Variants in VTI1A observed in about 807,000 individuals in gnomAD.
The protein encoded by VTI1A is vesicle transport through interaction with t-SNAREs 1A, also known as vesicle transport through interaction with t-SNAREs homolog 1A.
A neutral mutation model predicts 34.9 loss-of-function variants in VTI1A; 22 were observed. The observed-to-expected ratio is 0.63, with a 90% CI of 0.45 to 0.90. The LOEUF is 0.90. Ranked by LOEUF, VTI1A falls within the 40% of genes least tolerant of loss-of-function variation. The pLI is 0.00. For missense variants in VTI1A, 268 were observed against 275.6 expected (o/e 0.97, Z 0.20); for synonymous variants, 87 against 97.3 (o/e 0.89, Z 0.62).
At chr10:112,659,648 C>A (rs772382279) in intron 5 of VTI1A, among the ~76,000 whole-genome samples, 1 of 152,118 alleles carries the variant, frequency 6.6e-6, no homozygotes, top group African/African-American at 2.4e-5. Flanking sequence ...AGAATACATA[C>A]TCAGCTACTG....
At chr10:112,604,597 A>G (rs1845002585) in intron 5 of VTI1A, among the ~76,000 whole-genome samples, 2 of 152,184 alleles carry the variant, frequency 1.3e-5, no homozygotes, top group Non-Finnish European at 2.9e-5. Flanking sequence ...CTTCCACACA[A>G]CCAGATGTAT....
intron 4 of VTI1A, among the ~76,000 whole-genome samples, chr10:112,531,105 G>A (rs914345160): frequency 5.6e-4 from 30 of 53,528 alleles, no homozygotes; most frequent in East Asian, 2.4e-3. Flanking sequence ...ACACACACAC[G>A]TGCGCACGTG....
intron 7 of VTI1A, among the ~76,000 whole-genome samples, chr10:112,681,078 C>CTTTT (rs11371825): frequency 7.1e-6 from 1 of 141,066 alleles, no homozygotes; most frequent in African/African-American, 2.6e-5. Flanking sequence ...TTTTTCTTTT[C>CTTTT]TTTTTTTTTT....
Position 112,818,294 on chromosome 10 carries a change from A to C in VTI1A, c.*2911A>C. On this transcript the variant is annotated 3_prime_UTR_variant, in exon 8 of 8. Coordinates refer to ENST00000393077, the MANE Select transcript of VTI1A (RefSeq NM_145206.4). ...ATTAAGTAAAGAAATAAAGAGGGGG[A>C]AAAAAGCCTGCCTGTTCCAAAAACC... 4.3e-6 allele frequency: 1 copy of C among 231,712 alleles called. No individual in the cohort carries two copies. The highest frequency in any genetic ancestry group is 8.6e-6 in the Non-Finnish European group (1 of 116,868). 14.4% of individuals were successfully genotyped at this position (231,712 alleles called of 1,614,324 possible).
chr10:112,855,012 A>G, the VTI1A span, among the ~76,000 whole-genome samples: 1 of 152,156 alleles, frequency 6.6e-6, no homozygotes, highest in African/African-American at 2.4e-5. Context: ...GCCTCCAAAG[A>G]GTTCTGCCAG....
At chr10:112,830,849 A>ATATATTTTTTTTTTTTTTT in the VTI1A span, among the ~76,000 whole-genome samples, 5 of 33,496 alleles carry the variant, frequency 1.5e-4, no homozygotes, top group East Asian at 5.9e-3. Flanking sequence ...ATATATATAT[A>ATATATTTTTTTTTTTTTTT]TTTTTTTTTT....
At chr10:112,756,648 TGAATCTA>T (rs1308421142) in intron 7 of VTI1A, among the ~76,000 whole-genome samples, 3 of 152,170 alleles carry the variant, frequency 2.0e-5, no homozygotes, top group African/African-American at 7.2e-5. Context: ...ATCTGGTCTA[TGAATCTA>T]GAATATGTCA....
intron 5 of VTI1A, among the ~76,000 whole-genome samples, chr10:112,600,984 A>G (rs142440996): frequency 0.011 from 1,721 of 152,334 alleles, 11 homozygotes; most frequent in Non-Finnish European, 0.017. Context: ...AAAGAAGACA[A>G]ATTTCAATCG....
At chr10:112,804,920 G>A (rs571880673) in intron 7 of VTI1A, among the ~76,000 whole-genome samples, 328 of 136,750 alleles carry the variant, frequency 2.4e-3, no homozygotes, top group Middle Eastern at 8.9e-3. Flanking sequence ...GAATGCAGTC[G>A]TGCGATCACA....
chr10:112,701,813 A>C lies in VTI1A; in HGVS notation c.560+32815A>C, dbSNP rs527505154. On this transcript the variant is annotated intron_variant, in intron 7 of 7. Coordinates refer to ENST00000393077, the MANE Select transcript of VTI1A (RefSeq NM_145206.4). ...GAAATGCAGAGAGCCAACTTTTATT[A>C]GTAACTAATGCTGAAATTACTCTGG... Among the ~76,000 whole-genome samples, 7 of 152,366 alleles carry C rather than the reference A, an allele frequency of 4.6e-5. No individual in the cohort carries two copies. In the South Asian group the frequency reaches 1.2e-3, roughly 27 times the overall value.
chr10:112,710,586 A>G (rs752267808), intron 7 of VTI1A, among the ~76,000 whole-genome samples: 2 of 152,240 alleles, frequency 1.3e-5, no homozygotes, highest in African/African-American at 2.4e-5. Flanking sequence ...CGTGGTTTAT[A>G]TAAAAGCATG....
chr10:112,639,286 A>T (rs1200540341), intron 5 of VTI1A, among the ~76,000 whole-genome samples: 2 of 152,238 alleles, frequency 1.3e-5, no homozygotes, highest in Non-Finnish European at 2.9e-5. Context: ...CGACATGATT[A>T]TAAAAAGCAA....
chr10:112,769,596 G>A (rs1851743205), intron 7 of VTI1A, among the ~76,000 whole-genome samples: 2 of 152,150 alleles, frequency 1.3e-5, no homozygotes, highest in South Asian at 2.1e-4. Context: ...GCCTTGGTGA[G>A]GCCTAAATGA....
Position 112,817,098 on chromosome 10 carries a change from T to TCTGATA in VTI1A, c.*1715_*1716insCTGATA. Reference sequence around the variant, plus strand: ...CTTGTATTCTGATAACGGAATGCTGTACGTGCTGACCACATCTAAGAACCA... The same window carrying TCTGATA: ...CTTGTATTCTGATAACGGAATGCTGTCTGATAACGTGCTGACCACATCTAAGAACCA... On this transcript the variant is annotated 3_prime_UTR_variant, in exon 8 of 8. Transcript: ENST00000393077. 4.3e-6 allele frequency: 1 copy of TCTGATA among 232,758 alleles called. No homozygotes were observed. The highest frequency in any genetic ancestry group is 8.5e-6 in the Non-Finnish European group (1 of 117,726). 14.4% of individuals were successfully genotyped at this position (232,758 alleles called of 1,614,324 possible).
chr10:112,559,655 A>C (rs191593755), intron 5 of VTI1A, among the ~76,000 whole-genome samples: 3 of 152,206 alleles, frequency 2.0e-5, no homozygotes, highest in Admixed American at 6.5e-5. Flanking sequence ...TTTATCAGCT[A>C]TTCTTCCCTT....
intron 5 of VTI1A, among the ~76,000 whole-genome samples, chr10:112,609,380 TAAA>T (rs930694852): frequency 5.9e-5 from 9 of 152,304 alleles, no homozygotes; most frequent in African/African-American, 2.2e-4. Context: ...TTTGGGTAGT[TAAA>T]AATCACTTTA....
chr10:112,679,874 G>A (rs1291259793), intron 7 of VTI1A, among the ~76,000 whole-genome samples: 3 of 152,108 alleles, frequency 2.0e-5, no homozygotes, highest in South Asian at 4.1e-4. Context: ...CAAGCCATAG[G>A]GCAGTGGTTC....
intron 7 of VTI1A, among the ~76,000 whole-genome samples, chr10:112,781,789 A>T (rs1197449187): frequency 6.6e-6 from 1 of 152,056 alleles, no homozygotes; most frequent in Non-Finnish European, 1.5e-5. Context: ...CAGGAGGCGG[A>T]GCTTGCAGTG....
chr10:112,797,968 T>A (rs1852731576), intron 7 of VTI1A, among the ~76,000 whole-genome samples: 1 of 152,192 alleles, frequency 6.6e-6, no homozygotes, highest in African/African-American at 2.4e-5. Flanking sequence ...AGATAGAAAC[T>A]CAGCCTTTTC....
Sources: allele counts gnomAD v4.1 joint callset (sites outside exome capture counted in the v4.1 genomes callset), GRCh38; gene constraint gnomAD v4.1.1; transcripts MANE v1.5; gene names NCBI Gene and HGNC (gene_info 2026-07-23, HGNC 2026-07-21).